Variants in GALK2 observed in about 807,000 individuals in gnomAD.
GALK2 encodes galactokinase 2.
In GALK2, 36 loss-of-function variants were observed where a neutral mutation model predicts 52.4. That is an observed-to-expected ratio of 0.69 (90% CI 0.53 to 0.91). GALK2 has a LOEUF of 0.91. GALK2 is among the 40% of genes least tolerant of loss of function. The pLI is 0.00. For synonymous variants in GALK2, 176 were observed against 199.1 expected (o/e 0.88, Z 0.98); for missense variants, 579 against 559.1 (o/e 1.04, Z -0.36).
chr15:49,201,295 A>G (rs774486975), intron 2 of GALK2, 45 bp downstream of exon 2: 2 of 1,035,216 alleles, frequency 1.9e-6, no homozygotes, highest in South Asian at 1.4e-5. Flanking sequence ...TCATCCTTTG[A>G]TAAGATCTAA....
chr15:49,224,718 C>G (rs2090029065), intron 3 of GALK2, among the ~76,000 whole-genome samples: 1 of 152,132 alleles, frequency 6.6e-6, no homozygotes, highest in Admixed American at 6.5e-5. Context: ...CAATACTATG[C>G]TGTTTTGGTT....
upstream of GALK2, among the ~76,000 whole-genome samples, chr15:49,167,778 A>G (rs925125540): frequency 3.3e-5 from 5 of 152,254 alleles, no homozygotes; most frequent in Admixed American, 2.6e-4. Flanking sequence ...AGGTTTAAAG[A>G]GACAATAATA....
At chr15:49,192,503 A>ATATATG (rs2086833961) in intron 1 of GALK2, among the ~76,000 whole-genome samples, 1 of 135,720 alleles carries the variant, frequency 7.4e-6, no homozygotes, top group Admixed American at 7.2e-5. Context: ...ATATATATAT[A>ATATATG]TATATATATA....
At chr15:49,337,856 A>G (rs1363804886) in intron 3 of GALK2, among the ~76,000 whole-genome samples, 3 of 152,162 alleles carry the variant, frequency 2.0e-5, no homozygotes, top group Non-Finnish European at 4.4e-5. Context: ...ATGGCTGCAT[A>G]GTATTCCATG....
chr15:49,309,282 A>G (rs1356266234), intron 8 of GALK2, among the ~76,000 whole-genome samples: 1 of 152,222 alleles, frequency 6.6e-6, no homozygotes, highest in Non-Finnish European at 1.5e-5. Context: ...GAGCTTCTCA[A>G]TATCTTCAAA....
intron 9 of GALK2, among the ~76,000 whole-genome samples, chr15:49,320,780 C>T (rs1425220741): frequency 6.6e-6 from 1 of 152,202 alleles, no homozygotes; most frequent in East Asian, 1.9e-4. Flanking sequence ...CCTTCCCCAG[C>T]TTGTTTCATT....
At chr15:49,203,052 A>G (rs1343565425) in intron 2 of GALK2, among the ~76,000 whole-genome samples, 1 of 151,094 alleles carries the variant, frequency 6.6e-6, no homozygotes, top group Non-Finnish European at 1.5e-5. Flanking sequence ...ATTTTATTTT[A>G]TTAATTTATT....
At chr15:49,334,990 G>A (rs571552373), downstream of GALK2, among the ~76,000 whole-genome samples, 21 of 152,244 alleles carry the variant, frequency 1.4e-4, no homozygotes, top group East Asian at 4.1e-3. Flanking sequence ...GTTCCCCCAA[G>A]AAAACATTTC....
chr15:49,186,236 T>A (rs959994240), intron 1 of GALK2, among the ~76,000 whole-genome samples: 2 of 152,194 alleles, frequency 1.3e-5, no homozygotes, highest in African/African-American at 4.8e-5. Context: ...TTCAGGCCAA[T>A]AAATCTTAGA....
intron 5 of GALK2, among the ~76,000 whole-genome samples, chr15:49,249,713 A>G (rs1595830649): frequency 6.6e-6 from 1 of 152,246 alleles, no homozygotes; most frequent in African/African-American, 2.4e-5. Context: ...AAATTTATTC[A>G]AAGAGCTGTG....
intron 2 of GALK2, among the ~76,000 whole-genome samples, chr15:49,207,807 C>T (rs1029624998): frequency 1.3e-5 from 2 of 152,202 alleles, no homozygotes; most frequent in South Asian, 2.1e-4. Context: ...GACGGAGTCT[C>T]GCTTTTGTCA....
At chr15:49,166,865 T>C (rs920335984), upstream of GALK2, among the ~76,000 whole-genome samples, 1 of 152,234 alleles carries the variant, frequency 6.6e-6, no homozygotes, top group South Asian at 2.1e-4. Context: ...TAAGTCAAAA[T>C]AGGAAATATT....
At chr15:49,226,279 C>T (rs921743119) in intron 3 of GALK2, among the ~76,000 whole-genome samples, 1 of 152,130 alleles carries the variant, frequency 6.6e-6, no homozygotes, top group Admixed American at 6.5e-5. Context: ...GAGTGGGTTG[C>T]CCCACTATCC....
chr15:49,365,417 C>T (rs1596580417), intron 3 of GALK2: 1 of 1,020,546 alleles, frequency 9.8e-7, no homozygotes, highest in Non-Finnish European at 1.6e-6. Context: ...AACTCTTCTA[C>T]AGTACGCAAG....
At chr15:49,355,295 C>G (rs994139237) in intron 3 of GALK2, among the ~76,000 whole-genome samples, 4 of 152,088 alleles carry the variant, frequency 2.6e-5, no homozygotes, top group African/African-American at 7.2e-5. Context: ...TTACTCTGAG[C>G]TACGGGAGGA....
chr15:49,339,824 G>A (rs547360154), intron 3 of GALK2, among the ~76,000 whole-genome samples: 6 of 152,266 alleles, frequency 3.9e-5, no homozygotes, highest in East Asian at 1.9e-4. Context: ...TGCCCTGCCC[G>A]TAGAGGAATG....
intron 2 of GALK2, among the ~76,000 whole-genome samples, chr15:49,206,449 A>G (rs949440618): frequency 2.0e-5 from 3 of 152,054 alleles, no homozygotes; most frequent in Non-Finnish European, 4.4e-5. Flanking sequence ...GATTCTACCC[A>G]TCCATGAGCA....
intron 5 of GALK2, 83 bp from the exon 6 acceptor site, chr15:49,281,904 C>A: frequency 2.0e-6 from 2 of 986,348 alleles, no homozygotes; most frequent in Admixed American, 2.1e-5. Flanking sequence ...GGAATTCAAA[C>A]CTGTTTGTCA....
chr15:49,351,911 T>G (rs557756300), intron 3 of GALK2, among the ~76,000 whole-genome samples: 1 of 152,188 alleles, frequency 6.6e-6, no homozygotes, highest in Non-Finnish European at 1.5e-5. Flanking sequence ...ACAAACAACC[T>G]CAAAAACTTA....
Sources: gnomAD v4.1 joint callset for allele counts (sites outside exome capture counted in the v4.1 genomes callset) on GRCh38, gnomAD v4.1.1 for gene constraint, MANE v1.5 for transcripts, NCBI Gene and HGNC (gene_info 2026-07-23, HGNC 2026-07-21) for gene names.